PCNX2: variants seen among roughly 807,000 people sequenced by gnomAD.
PCNX2 encodes pecanex-like protein 2.
In PCNX2, 168 loss-of-function variants were observed where a neutral mutation model predicts 223.8. The ratio of observed to expected loss-of-function variants is 0.75; its 90% CI spans 0.66 to 0.85. The LOEUF is 0.85. PCNX2 is among the 40% of genes least tolerant of loss of function. PCNX2 has a pLI of 0.00. For synonymous variants in PCNX2, 1,006 were observed against 1,052.6 expected (o/e 0.96, Z 0.86); for missense variants, 2,507 against 2,675.5 (o/e 0.94, Z 1.39).
At chr1:233,089,226 G>C (rs903740063) in intron 23 of PCNX2, among the ~76,000 whole-genome samples, 3 of 152,144 alleles carry the variant, frequency 2.0e-5, no homozygotes, top group African/African-American at 7.2e-5. Flanking sequence ...GTAATAAATA[G>C]CACAAGTATG....
Position 233,177,791 on chromosome 1 carries a change from A to T in PCNX2, c.3273+11T>A. The stretch of plus-strand genomic sequence containing the variant: ...CCTCCTATGCTACATTACACAACGC[A>T]AATGTCTCACCACTGAATCTTTCAT... On this transcript the variant is annotated intron_variant, in intron 17 of 33. Transcript: ENST00000258229. 6.2e-7 allele frequency: 1 copy of T among 1,605,964 alleles called. No homozygotes were observed. The highest frequency in any genetic ancestry group is 1.3e-5 in the African/African-American group (1 of 74,814).
upstream of PCNX2, among the ~76,000 whole-genome samples, chr1:233,299,150 C>T (rs961166317): frequency 3.3e-5 from 5 of 152,102 alleles, no homozygotes; most frequent in Admixed American, 1.3e-4. Flanking sequence ...TGATCTCAGC[C>T]GATGAAACCA....
At chr1:233,205,992 T>C (rs1681427726) in intron 13 of PCNX2, among the ~76,000 whole-genome samples, 2 of 152,118 alleles carry the variant, frequency 1.3e-5, no homozygotes, top group African/African-American at 4.8e-5. Flanking sequence ...TGAGGTGTTA[T>C]GAGCCAGCAT....
intron 17 of PCNX2, among the ~76,000 whole-genome samples, chr1:233,167,065 C>T (rs1350064113): frequency 2.0e-5 from 3 of 152,166 alleles, no homozygotes; most frequent in Non-Finnish European, 2.9e-5. Flanking sequence ...AATGAAATCA[C>T]CATGCCATAA....
At chr1:233,121,054 TAA>T (rs75273888) in intron 21 of PCNX2, among the ~76,000 whole-genome samples, 1 of 140,904 alleles carries the variant, frequency 7.1e-6, no homozygotes, top group African/African-American at 2.6e-5. Flanking sequence ...AGTTTAAAAT[TAA>T]AAAAAAAAAA....
upstream of PCNX2, chr1:233,295,807 T>A: frequency 3.7e-6 from 1 of 272,172 alleles, no homozygotes; most frequent in Non-Finnish European, 6.8e-6. The surrounding 1 kb of genome is among the most constrained non-coding windows in gnomAD (Gnocchi z 4.1). Context: ...CAGTCCCTCC[T>A]TAGCCTTCGC....
intron 26 of PCNX2, chr1:233,019,059 C>T (rs1201184781): frequency 1.0e-6 from 1 of 985,188 alleles, no homozygotes; most frequent in African/African-American, 1.7e-5. Context: ...CTCAAGGCCT[C>T]AAGTTTACTT....
rs200864263 is a variant in PCNX2 at position 233,258,699 on chromosome 1, G to T, written c.1163C>A (p.Thr388Lys). ...ITMSSTPNSM[T>K]DLESSLHLRV... is the part of the protein sequence containing the mutation. ...CAGGTGGAGGGAGCTTTCCAAATCT[G>T]TCATGGAGTTTGGGGTACTGCTCAT... The change falls in exon 5 of 34, where the codon ACA becomes AAA. Residue 388 changes from threonine to lysine, a missense_variant. Physicochemically the swap from Thr to Lys is moderately conservative, Grantham distance 78 (BLOSUM62 -1). Coordinates refer to ENST00000258229, the MANE Select transcript of PCNX2 (RefSeq NM_014801.4). 3.2e-4 allele frequency: 523 copies of T among 1,613,838 alleles called. 1 individual carries two copies. Among genetic ancestry groups the T allele is most frequent in the Non-Finnish European group, 4.2e-4 (498 of 1,179,896 alleles).
At chr1:233,144,102 A>G (rs1226067467) in intron 19 of PCNX2, among the ~76,000 whole-genome samples, 1 of 151,822 alleles carries the variant, frequency 6.6e-6, no homozygotes, top group African/African-American at 2.4e-5. Flanking sequence ...GATTGCTTGA[A>G]CCCGAGAGGT....
At chr1:233,288,804 C>CT (rs10558976) in intron 1 of PCNX2, 8,466 of 431,800 alleles carry the variant, frequency 0.02, 150 homozygotes, top group African/African-American at 0.076. Flanking sequence ...GAAAGATGCC[C>CT]TTTTTTTTTT....
At position 233,001,746 on chromosome 1, in the gene PCNX2, G is replaced by T; in HGVS notation, c.4953-65C>A. The stretch of plus-strand genomic sequence containing the variant: ...AATCCTGTCATTGTGAGCAAAGTTT[G>T]AGTCTCCCATTTGTCTAAGAATTAT... On this transcript the variant is annotated intron_variant, in intron 28 of 33. Coordinates refer to ENST00000258229, the MANE Select transcript of PCNX2 (RefSeq NM_014801.4). This position sits in a 1 kb window ranked among gnomAD's most constrained non-coding sequence, Gnocchi z 4.2. The T allele has an allele frequency of 7.4e-7, 1 of 1,357,704 alleles. No homozygotes were observed. The highest frequency in any genetic ancestry group is 2.0e-5 in the South Asian group (1 of 50,558). 84.1% of individuals were successfully genotyped at this position (1,357,704 alleles called of 1,614,324 possible). A position where few individuals can be genotyped will look rare whatever the true frequency, so the allele number is the denominator to read the frequency against.
intron 15 of PCNX2, among the ~76,000 whole-genome samples, chr1:233,190,904 T>TG (rs1480037424): frequency 2.0e-5 from 3 of 152,352 alleles, no homozygotes; most frequent in Admixed American, 6.5e-5. Context: ...ACTGGCTGAC[T>TG]GTAATATCTC....
intron 33 of PCNX2, chr1:232,984,734 G>C (rs1366695795): frequency 2.5e-6 from 1 of 403,522 alleles, no homozygotes; most frequent in Non-Finnish European, 4.4e-6. Context: ...GGAAAGAGCG[G>C]CCCTGGGGGG....
chr1:233,295,115 G>C lies in PCNX2; in HGVS notation c.153+211C>G, dbSNP rs1048041284. Among the ~76,000 whole-genome samples, 13 of 152,126 alleles carry C rather than the reference G, an allele frequency of 8.5e-5. No homozygotes were observed. Among genetic ancestry groups the C allele is most frequent in the Admixed American group, 7.8e-4 (12 of 15,288 alleles). ...CTTAATGAGTCCCCGAGCCCCCGCAGTCCTGTCTACTTCTTTTCTTTTCCA... is the reference window on the plus strand; with the variant it reads ...CTTAATGAGTCCCCGAGCCCCCGCACTCCTGTCTACTTCTTTTCTTTTCCA... On this transcript the variant is annotated intron_variant, in intron 1 of 33. Coordinates refer to ENST00000258229, the MANE Select transcript of PCNX2 (RefSeq NM_014801.4). This position sits in a 1 kb window ranked among gnomAD's most constrained non-coding sequence, Gnocchi z 4.1.
chr1:233,133,686 TC>T (rs148923626), intron 21 of PCNX2, among the ~76,000 whole-genome samples: 36,966 of 152,028 alleles, frequency 0.24, 4,950 homozygotes, highest in Admixed American at 0.37. Context: ...CAAGACCCTA[TC>T]TTTACAAAAA....
At chr1:233,252,258 T>C (rs1422568019) in intron 7 of PCNX2, 96 bp downstream of exon 7, 2 of 1,360,576 alleles carry the variant, frequency 1.5e-6, no homozygotes, top group Non-Finnish European at 2.0e-6. Flanking sequence ...CTTCCAGTTC[T>C]CAAGTCTAGT....
Position 233,001,814 on chromosome 1 carries a change from G to A in PCNX2, c.4953-133C>T, listed in dbSNP as rs1408520052. ...TATAGCAAGAAAATGAAGATAACAGGACTCATCCCAGTGCACCTAGTGCCT... is the reference window on the plus strand; with the variant it reads ...TATAGCAAGAAAATGAAGATAACAGAACTCATCCCAGTGCACCTAGTGCCT... On this transcript the variant is annotated intron_variant, in intron 28 of 33. Transcript: ENST00000258229. The surrounding 1 kb of genome is among the most constrained non-coding windows in gnomAD (Gnocchi z 4.2). 1.6e-5 allele frequency: 15 copies of A among 920,010 alleles called. No homozygotes were observed. The East Asian group carries it at 4.8e-4, about 29-fold the overall frequency. The allele number at this position is 920,010 out of a possible 1,614,324, so 57.0% of individuals were successfully genotyped here.
chr1:233,164,027 C>T (rs184967439), intron 17 of PCNX2, among the ~76,000 whole-genome samples: 7 of 152,246 alleles, frequency 4.6e-5, no homozygotes, highest in Middle Eastern at 3.4e-3. Flanking sequence ...TTTCCCTGGA[C>T]ATGTTATTTC....
intron 19 of PCNX2, among the ~76,000 whole-genome samples, chr1:233,144,312 TCTTC>T (rs979442409): frequency 3.3e-5 from 5 of 152,212 alleles, no homozygotes; most frequent in African/African-American, 1.2e-4. Flanking sequence ...AACAACCTTA[TCTTC>T]CTTTTCTTTT....
Sources: allele counts gnomAD v4.1 joint callset (sites outside exome capture counted in the v4.1 genomes callset), GRCh38; gene constraint gnomAD v4.1.1; non-coding constraint Gnocchi (gnomAD v3.1); transcripts MANE v1.5; gene names NCBI Gene and HGNC (gene_info 2026-07-23, HGNC 2026-07-21).